FBXL19: variants seen among roughly 807,000 people sequenced by gnomAD.
The protein encoded by FBXL19 is F-box and leucine rich repeat protein 19, also known as F-box/LRR-repeat protein 19.
A neutral mutation model predicts 71.2 loss-of-function variants in FBXL19; 16 were observed. The observed-to-expected ratio is 0.22, with a 90% CI of 0.15 to 0.34. The LOEUF (loss-of-function observed/expected upper bound fraction) is 0.34, where lower values mean the gene tolerates loss of function less well. Ranked by LOEUF, FBXL19 falls within the 10% of genes least tolerant of loss-of-function variation. FBXL19 has a pLI of 1.00. For synonymous variants in FBXL19, 447 were observed against 409.4 expected (o/e 1.09, Z -1.11); for missense variants, 658 against 968.2 (o/e 0.68, Z 4.25).
In FBXL19 at chr16:30,946,899, G is replaced by A. The variant is rs377473449; in HGVS notation, c.1797G>A (p.Thr599=). ...GGGACCCCAGTGTTCACCTCCTCAC[G>A]GCCCCCACGTCCCCACTCCGCGAGA... ...HVGDPSVHLL[T]APTSPLRETL... is the part of the protein sequence containing the mutation. Residue 599 remains threonine (T), a synonymous_variant, in exon 10 of 11, where the codon ACG becomes ACA. Coordinates refer to ENST00000338343, the MANE Select transcript of FBXL19 (RefSeq NM_001382779.1). This position sits in a 1 kb window ranked among gnomAD's most constrained non-coding sequence, Gnocchi z 6.7. The A allele has an allele frequency of 2.7e-5, 43 of 1,610,878 alleles. No individual in the cohort carries two copies. In the African/African-American group the frequency reaches 4.4e-4, roughly 16 times the overall value.
At position 30,930,437 on chromosome 16, in the gene FBXL19, C is replaced by T. The variant is rs1347451660; in HGVS notation, c.1154C>T (p.Pro385Leu). 1 of 1,529,262 alleles carries T rather than the reference C, an allele frequency of 6.5e-7. No individual in the cohort carries two copies. The highest frequency in any genetic ancestry group is 8.7e-7 in the Non-Finnish European group (1 of 1,143,226). 94.7% of individuals were successfully genotyped at this position (1,529,262 alleles called of 1,614,324 possible). The change falls in exon 7 of 11, where the codon CCG becomes CTG. Residue 385 changes from proline to leucine, a missense_variant. Pro to Leu is a moderately conservative substitution (Grantham distance 98). This residue lies in a region of FBXL19 where 447 missense variants were observed against 515.4 expected (regional missense o/e 0.87). Transcript: ENST00000338343. This position sits in a 1 kb window ranked among gnomAD's most constrained non-coding sequence, Gnocchi z 8.5. ...PQLERHVVRP[P>L]PRSPEPDTLP... ...CTGGAGCGGCACGTGGTGCGGCCCC[C>T]GCCTCGAAGCCCTGAGCCCGACACA...
chr16:30,939,261 T>G lies in FBXL19; in HGVS notation c.1302-2855T>G, dbSNP rs536330295. 7.1e-5 allele frequency among the ~76,000 whole-genome samples: 10 copies of G among 139,920 alleles called. No individual in the cohort carries two copies. In the South Asian group the frequency reaches 2.3e-3, roughly 33 times the overall value. The allele number at this position is 139,920 out of a possible 152,430, so 91.8% of individuals were successfully genotyped here. A position where few individuals can be genotyped will look rare whatever the true frequency, so the allele number is the denominator to read the frequency against. ...TAATTTTTTGTATTTTTAGTAGAGA[T>G]GGGGTTTCACCGTGTTAGCCAGGAT... On this transcript the variant is annotated intron_variant, in intron 7 of 10. Coordinates refer to ENST00000338343, the MANE Select transcript of FBXL19 (RefSeq NM_001382779.1).
At chr16:30,933,570 C>T (rs946127365) in intron 7 of FBXL19, among the ~76,000 whole-genome samples, 3 of 152,160 alleles carry the variant, frequency 2.0e-5, no homozygotes, top group African/African-American at 7.2e-5. Flanking sequence ...CTGCCTCAGC[C>T]TCCTGAGTAG....
chr16:30,925,789 C>T lies in FBXL19; in HGVS notation c.35C>T (p.Ala12Val), dbSNP rs1442489106. 7 of 1,489,456 alleles carry T rather than the reference C, an allele frequency of 4.7e-6. No individual in the cohort carries two copies. The highest frequency in any genetic ancestry group is 2.7e-5 in the East Asian group (1 of 37,520). The allele number at this position is 1,489,456 out of a possible 1,614,324, so 92.3% of individuals were successfully genotyped here. Residue 12 changes from alanine (A) to valine (V), a missense_variant, in exon 2 of 11, where the codon GCG (alanine) becomes GTG (valine). Transcript: ENST00000338343. The surrounding 1 kb of genome is among the most constrained non-coding windows in gnomAD (Gnocchi z 5.0). ...AGCAGCCGGGGGCCGGGGGCCGGAG[C>T]GCGCCGACGCCGAACCCGCTGCCGC... ...SSSSRGPGAGARRRRTRCRRC... is the reference protein window; with the variant it reads ...SSSSRGPGAGVRRRRTRCRRC...
rs759905521 is a variant in FBXL19, at chr16:30,927,969, C to T, written c.627+6C>T. 34 of 1,488,368 alleles carry T rather than the reference C, an allele frequency of 2.3e-5. No homozygotes were observed. Among genetic ancestry groups the T allele is most frequent in the Non-Finnish European group, 2.8e-5 (31 of 1,123,324 alleles). 92.2% of individuals were successfully genotyped at this position (1,488,368 alleles called of 1,614,324 possible). A position where few individuals can be genotyped will look rare whatever the true frequency, so the allele number is the denominator to read the frequency against. On this transcript the variant is annotated splice_donor_region_variant and intron_variant, in intron 5 of 10. Transcript: ENST00000338343. Reference sequence around the variant, plus strand: ...CTCCCACCCCAAGGAAAAAGGTGAGCCACGGAGCACGCTCACTAGGCTTGT... The same window carrying T: ...CTCCCACCCCAAGGAAAAAGGTGAGTCACGGAGCACGCTCACTAGGCTTGT...
chr16:30,929,555 T>C (rs1055651114), intron 6 of FBXL19, among the ~76,000 whole-genome samples: 10 of 151,546 alleles, frequency 6.6e-5, no homozygotes, highest in Non-Finnish European at 1.2e-4. Context: ...GGCTGGAAAT[T>C]ATTTTATTTT....
rs1339651120 is a variant in FBXL19 at position 30,948,002 on chromosome 16, A to G, written c.*772A>G. ...CCCCCTGCCCGCCTCTCCGCACAAT[A>G]CTTGAACATTCATCTGTACTGAAGT... On this transcript the variant is annotated 3_prime_UTR_variant, in exon 11 of 11. Coordinates refer to ENST00000338343, the MANE Select transcript of FBXL19 (RefSeq NM_001382779.1). 3 of 370,982 alleles carry G rather than the reference A, an allele frequency of 8.1e-6. No homozygotes were observed. The highest frequency in any genetic ancestry group is 1.6e-5 in the Non-Finnish European group (3 of 188,836). 23.0% of individuals were successfully genotyped at this position (370,982 alleles called of 1,614,324 possible).
At chr16:30,937,809 G>A (rs1471090968) in intron 7 of FBXL19, among the ~76,000 whole-genome samples, 5 of 152,130 alleles carry the variant, frequency 3.3e-5, no homozygotes, top group Non-Finnish European at 7.3e-5. Context: ...CTGGGGTCCT[G>A]TGGGTGCCCC....
intron 6 of FBXL19, among the ~76,000 whole-genome samples, chr16:30,928,846 C>A (rs549640293): frequency 6.6e-6 from 1 of 152,276 alleles, no homozygotes; most frequent in South Asian, 2.1e-4. Context: ...GCTCATCTGA[C>A]CTACTTGCCT....
At chr16:30,923,378 C>T (rs2055547090), upstream of FBXL19, 1 of 376,338 alleles carries the variant, frequency 2.7e-6, no homozygotes, top group Admixed American at 3.1e-5. Flanking sequence ...TCCCCAGCGT[C>T]CTATTGTTCC....
chr16:30,923,243 T>C (rs550224186), upstream of FBXL19: 4 of 455,204 alleles, frequency 8.8e-6, no homozygotes, highest in Non-Finnish European at 1.8e-5. Flanking sequence ...TTGTTTGTAG[T>C]CATCGTTCCC....
chr16:30,930,656 C>G lies in FBXL19; in HGVS notation c.1301+72C>G. 7.3e-7 allele frequency: 1 copy of G among 1,377,378 alleles called. No individual in the cohort carries two copies. Among genetic ancestry groups the G allele is most frequent in the South Asian group, 1.7e-5 (1 of 59,064 alleles). The allele number at this position is 1,377,378 out of a possible 1,614,324, so 85.3% of individuals were successfully genotyped here. ...GCTTGCTGGGTGACCTGCGGTAGGT[C>G]TCTGGCCCTCTCTGGGCCTTGCTTT... On this transcript the variant is annotated intron_variant, in intron 7 of 10. Transcript: ENST00000338343. This position sits in a 1 kb window ranked among gnomAD's most constrained non-coding sequence, Gnocchi z 8.5.
Position 30,925,683 on chromosome 16 carries a change from G to T in FBXL19, c.-24-48G>T. ...GAGGGACCTGTCAGGGGTCTCCCAGGCCAGGGCCCCAGTGGGCCCATCTGA... is the reference window on the plus strand; with the variant it reads ...GAGGGACCTGTCAGGGGTCTCCCAGTCCAGGGCCCCAGTGGGCCCATCTGA... On this transcript the variant is annotated intron_variant, in intron 1 of 10. Transcript: ENST00000338343. The surrounding 1 kb of genome is among the most constrained non-coding windows in gnomAD (Gnocchi z 5.0). The T allele has an allele frequency of 2.1e-6, 3 of 1,454,188 alleles. No individual in the cohort carries two copies. The highest frequency in any genetic ancestry group is 1.4e-5 in the South Asian group (1 of 71,544). The allele number at this position is 1,454,188 out of a possible 1,614,324, so 90.1% of individuals were successfully genotyped here.
At chr16:30,923,218 G>A (rs2143291049), upstream of FBXL19, 1 of 456,510 alleles carries the variant, frequency 2.2e-6, no homozygotes, top group East Asian at 7.0e-5. Flanking sequence ...GGTCGGGTCG[G>A]GGGAGAAGGC....
In FBXL19 at chr16:30,925,780, G is replaced by T. The variant is rs1596649054; in HGVS notation, c.26G>T (p.Gly9Val). The change falls in exon 2 of 11, where the codon GGG becomes GTG. Residue 9 changes from glycine (G) to valine (V), a missense_variant. Around this residue, in one of 8 missense-constraint regions of FBXL19, gnomAD observed 25 missense variants for 19.3 expected, o/e 1.30. Transcript: ENST00000338343. This position sits in a 1 kb window ranked among gnomAD's most constrained non-coding sequence, Gnocchi z 5.0. MSSSSRGPGAGARRRRTRC... is the reference protein window; with the variant it reads MSSSSRGPVAGARRRRTRC... ...ATGTCGTCGAGCAGCCGGGGGCCGG[G>T]GGCCGGAGCGCGCCGACGCCGAACC... 1.3e-6 allele frequency: 2 copies of T among 1,487,714 alleles called. No homozygotes were observed. Among genetic ancestry groups the T allele is most frequent in the Non-Finnish European group, 1.8e-6 (2 of 1,123,340 alleles). The allele number at this position is 1,487,714 out of a possible 1,614,324, so 92.2% of individuals were successfully genotyped here.
chr16:30,939,129 T>G (rs1486540296), intron 7 of FBXL19, among the ~76,000 whole-genome samples: 1 of 152,028 alleles, frequency 6.6e-6, no homozygotes, highest in Non-Finnish European at 1.5e-5. Context: ...TGGAGTGCAG[T>G]GGCGCAATCT....
chr16:30,934,830 T>C (rs1272095762), intron 7 of FBXL19, among the ~76,000 whole-genome samples: 1 of 152,156 alleles, frequency 6.6e-6, no homozygotes, highest in East Asian at 1.9e-4. Flanking sequence ...ACGTGTGTGG[T>C]GTGCTCAGGA....
Position 30,927,667 on chromosome 16 carries a change from C to A in FBXL19, c.408+8C>A, listed in dbSNP as rs777618399. The A allele has an allele frequency of 2.6e-6, 4 of 1,563,342 alleles. No individual in the cohort carries two copies. Among genetic ancestry groups the A allele is most frequent in the Middle Eastern group, 1.7e-4 (1 of 5,980 alleles). On this transcript the variant is annotated splice_region_variant and intron_variant, in intron 4 of 10. Coordinates refer to ENST00000338343, the MANE Select transcript of FBXL19 (RefSeq NM_001382779.1). ...GAAGGCCGCACCAGCAAGGTAGGGG[C>A]TGGGCTGGGCTGAGCTGTGGGTAGG...
intron 7 of FBXL19, among the ~76,000 whole-genome samples, chr16:30,932,591 G>A (rs1356175879): frequency 6.6e-6 from 1 of 152,166 alleles, no homozygotes; most frequent in Non-Finnish European, 1.5e-5. Flanking sequence ...TTGAGGCCCT[G>A]GTTTTCTCAT....
Sources: gnomAD v4.1 joint callset for allele counts (sites outside exome capture counted in the v4.1 genomes callset) on GRCh38, gnomAD v4.1.1 for gene constraint, gnomAD v4.1.1 regional missense constraint, Gnocchi (gnomAD v3.1) non-coding constraint, MANE v1.5 for transcripts, NCBI Gene and HGNC (gene_info 2026-07-23, HGNC 2026-07-21) for gene names.